Variants in PRIM2 observed in about 807,000 individuals in gnomAD.
PRIM2 encodes the protein DNA primase subunit 2.
In PRIM2, 39 loss-of-function variants were observed where a neutral mutation model predicts 67.3. The observed-to-expected ratio is 0.58, with a 90% CI of 0.45 to 0.76. The LOEUF is 0.76. Ranked by LOEUF, PRIM2 falls within the 30% of genes least tolerant of loss-of-function variation. PRIM2 has a pLI of 0.00. For synonymous variants in PRIM2, 143 were observed against 198.7 expected (o/e 0.72, Z 2.36); for missense variants, 398 against 598.7 (o/e 0.66, Z 3.50).
At chr6:57,265,316 G>A in the PRIM2 span, among the ~76,000 whole-genome samples, 1 of 152,124 alleles carries the variant, frequency 6.6e-6, no homozygotes, top group African/African-American at 2.4e-5. Flanking sequence ...CTTTTATTTG[G>A]GGAGGAGAAG....
rs1774269799 is a variant in PRIM2, at chr6:57,507,262, A to G, written c.694-125A>G. On this transcript the variant is annotated intron_variant, in intron 7 of 13. Transcript: ENST00000615550. ...TAATTTCTTGATTTGAAAAAAGAGA[A>G]ATAGAACCTTATATTTTTAAGTATT... 1.0e-5 allele frequency: 9 copies of G among 861,884 alleles called. No homozygotes were observed. The East Asian group carries it at 2.4e-4, about 23-fold the overall frequency. 53.4% of individuals were successfully genotyped at this position (861,884 alleles called of 1,614,324 possible).
chr6:57,501,990 A>G (rs1409874873), intron 7 of PRIM2, among the ~76,000 whole-genome samples: 5 of 152,166 alleles, frequency 3.3e-5, no homozygotes, highest in Non-Finnish European at 5.9e-5. Context: ...TATTCAGCCA[A>G]TATTTCTGCT....
the PRIM2 span, among the ~76,000 whole-genome samples, chr6:57,298,172 C>G: frequency 6.6e-6 from 1 of 152,008 alleles, no homozygotes. Flanking sequence ...CCAGCAGGGC[C>G]AATGTGGCGA....
chr6:57,584,869 A>G (rs1776160520), intron 10 of PRIM2, among the ~76,000 whole-genome samples: 1 of 152,254 alleles, frequency 6.6e-6, no homozygotes, highest in Non-Finnish European at 1.5e-5. Flanking sequence ...GGTAACTTAT[A>G]ATTGCCTAAC....
intron 7 of PRIM2, among the ~76,000 whole-genome samples, chr6:57,421,576 G>T (rs1245405314): frequency 3.3e-5 from 5 of 152,184 alleles, no homozygotes; most frequent in African/African-American, 1.2e-4. Context: ...GTGAATGTGA[G>T]TTTTCTTTTG....
At chr6:57,624,434 C>T (rs2127497633) in intron 12 of PRIM2, among the ~76,000 whole-genome samples, 1 of 152,250 alleles carries the variant, frequency 6.6e-6, no homozygotes, top group East Asian at 1.9e-4. Flanking sequence ...TACCTAACTA[C>T]AATAGAGTAT....
intron 5 of PRIM2, among the ~76,000 whole-genome samples, chr6:57,358,002 C>G (rs1333954253): frequency 6.6e-6 from 1 of 152,196 alleles, no homozygotes; most frequent in Non-Finnish European, 1.5e-5. Flanking sequence ...TTACCTAACA[C>G]AATGTCTAGC....
chr6:57,585,304 A>C (rs1776169205), intron 10 of PRIM2, among the ~76,000 whole-genome samples: 1 of 152,226 alleles, frequency 6.6e-6, no homozygotes. Context: ...TTGAGTGCTT[A>C]CTATTTTTTA....
At chr6:57,301,219 G>A in the PRIM2 span, among the ~76,000 whole-genome samples, 1 of 152,208 alleles carries the variant, frequency 6.6e-6, no homozygotes, top group Non-Finnish European at 1.5e-5. Flanking sequence ...TGGGTGTGGT[G>A]GGTTATGCCT....
intron 7 of PRIM2, among the ~76,000 whole-genome samples, chr6:57,446,754 G>T (rs73750121): frequency 1.3e-5 from 2 of 152,088 alleles, no homozygotes; most frequent in Non-Finnish European, 2.9e-5. Flanking sequence ...CCTAATAACT[G>T]CTCCCTCAAG....
chr6:57,341,168 A>G (rs1263820576), intron 5 of PRIM2, among the ~76,000 whole-genome samples: 1 of 152,162 alleles, frequency 6.6e-6, no homozygotes, highest in Admixed American at 6.5e-5. Context: ...TAAAGGGAGC[A>G]GTAACTTTGC....
intron 7 of PRIM2, among the ~76,000 whole-genome samples, chr6:57,398,801 A>G (rs1770608605): frequency 6.6e-6 from 1 of 152,158 alleles, no homozygotes; most frequent in East Asian, 1.9e-4. Flanking sequence ...TAGGTCTCTA[A>G]GAACTTGCTG....
Position 57,325,952 on chromosome 6 carries a change from A to G in PRIM2, c.366A>G (p.Gln122=). 2 of 1,608,320 alleles carry G rather than the reference A, an allele frequency of 1.2e-6. No homozygotes were observed. Among genetic ancestry groups the G allele is most frequent in the Non-Finnish European group, 8.5e-7 (1 of 1,177,832 alleles). The change falls in exon 5 of 14, where the codon CAA becomes CAG. Residue 122 remains glutamine, a synonymous_variant. Transcript: ENST00000615550. ...QSEELRRWFI[Q]QEMDLLRFRF... Reference sequence around the variant, plus strand: ...AAGAACTTAGACGCTGGTTCATTCAACAAGAAATGGATCTCCTTCGATTTA... The same window carrying G: ...AAGAACTTAGACGCTGGTTCATTCAGCAAGAAATGGATCTCCTTCGATTTA...
chr6:57,643,072 C>T (rs1193976051), intron 13 of PRIM2, among the ~76,000 whole-genome samples: 1 of 152,028 alleles, frequency 6.6e-6, no homozygotes, highest in Non-Finnish European at 1.5e-5. Flanking sequence ...TTTCCCATGG[C>T]AACCCTATGA....
At chr6:57,590,916 G>T (rs1776271698) in intron 10 of PRIM2, among the ~76,000 whole-genome samples, 1 of 152,194 alleles carries the variant, frequency 6.6e-6, no homozygotes, top group Non-Finnish European at 1.5e-5. Context: ...TTGTTGCAAA[G>T]AAGTTAAGTA....
At chr6:57,525,162 G>A (rs1774720551) in intron 8 of PRIM2, among the ~76,000 whole-genome samples, 1 of 149,660 alleles carries the variant, frequency 6.7e-6, no homozygotes, top group African/African-American at 2.5e-5. Context: ...TCTCCTTTCT[G>A]CCCCTCCGTC....
At chr6:57,365,171 AT>A (rs1482956874) in intron 5 of PRIM2, among the ~76,000 whole-genome samples, 1 of 148,764 alleles carries the variant, frequency 6.7e-6, no homozygotes, top group Admixed American at 6.7e-5. Context: ...GAGAAGTATT[AT>A]TTCTTTAATT....
At chr6:57,577,474 G>C (rs1258568870) in intron 10 of PRIM2, among the ~76,000 whole-genome samples, 1 of 143,248 alleles carries the variant, frequency 7.0e-6, no homozygotes, top group Non-Finnish European at 1.5e-5. Context: ...CTGTCGCCCA[G>C]GCTGGAGTGC....
chr6:57,280,127 A>C, the PRIM2 span, among the ~76,000 whole-genome samples: 1 of 152,176 alleles, frequency 6.6e-6, no homozygotes, highest in African/African-American at 2.4e-5. Flanking sequence ...GGCAGTGAGC[A>C]CTTTCAAATA....
Sources: gnomAD v4.1 joint callset for allele counts (sites outside exome capture counted in the v4.1 genomes callset) on GRCh38, gnomAD v4.1.1 for gene constraint, MANE v1.5 for transcripts, NCBI Gene and HGNC (gene_info 2026-07-23, HGNC 2026-07-21) for gene names.